The following SLCO4C1 variants were observed in gnomAD, a reference collection of about 807,000 sequenced individuals.
The protein encoded by SLCO4C1 is solute carrier organic anion transporter family member 4C1.
In SLCO4C1, 58 loss-of-function variants were observed where a neutral mutation model predicts 72.1. That is an observed-to-expected ratio of 0.80 (90% CI 0.65 to 1.00). The LOEUF (loss-of-function observed/expected upper bound fraction) is 1.00, where lower values mean the gene tolerates loss of function less well. SLCO4C1 is among the 50% of genes least tolerant of loss of function. The pLI is 0.00. For missense variants in SLCO4C1, 898 were observed against 857.9 expected, an observed-to-expected ratio of 1.05 and a Z score of -0.58; for synonymous variants, 297 against 312.5, an observed-to-expected ratio of 0.95 and a Z score of 0.52.
chr5:102,243,929 A>C (rs1748591818), intron 10 of SLCO4C1, among the ~76,000 whole-genome samples: 1 of 152,182 alleles, frequency 6.6e-6, no homozygotes, highest in African/African-American at 2.4e-5. Flanking sequence ...TCACACCTGC[A>C]ATTCCCAGCA....
chr5:102,253,530 G>A (rs1231461601), intron 8 of SLCO4C1, among the ~76,000 whole-genome samples: 2 of 152,108 alleles, frequency 1.3e-5, no homozygotes, highest in African/African-American at 4.8e-5. Flanking sequence ...CTATTAGCCA[G>A]GCACAGTGGC....
intron 8 of SLCO4C1, among the ~76,000 whole-genome samples, chr5:102,250,517 C>T (rs550554776): frequency 2.0e-5 from 3 of 152,250 alleles, no homozygotes; most frequent in Middle Eastern, 6.8e-3. Context: ...AGTCTCTGCC[C>T]TCAAGGATTT....
chr5:102,247,917 CTTTTTTTTTTTTT>C, intron 9 of SLCO4C1, among the ~76,000 whole-genome samples: 1 of 107,424 alleles, frequency 9.3e-6, no homozygotes, highest in African/African-American at 3.4e-5. Flanking sequence ...AGGCCAGAAA[CTTTTTTTTTTTTT>C]TTTTTTTTTT....
At position 102,257,150 on chromosome 5, in the gene SLCO4C1, A is replaced by G. The variant is rs764938518; in HGVS notation, c.1434T>C (p.Asn478=). ...SFVFMYAKCE[N]EPFAGVSESY... Reference sequence around the variant, plus strand: ...ATTCAGATACACCAGCAAATGGCTCATTTTCACATTTGGCATACATAAATA... The same window carrying G: ...ATTCAGATACACCAGCAAATGGCTCGTTTTCACATTTGGCATACATAAATA... The change falls in exon 8 of 13, where the codon AAT becomes AAC. Residue 478 remains asparagine (N), a synonymous_variant. Transcript: ENST00000310954. 1.7e-5 allele frequency: 27 copies of G among 1,596,984 alleles called. 1 individual carries two copies. Among genetic ancestry groups the G allele is most frequent in the Non-Finnish European group, 2.0e-5 (24 of 1,173,526 alleles).
Position 102,296,092 on chromosome 5 carries a change from C to T in SLCO4C1, c.171G>A (p.Lys57=). ...QELQKPQEPQ[K]SPEPSLPSAP... is the part of the protein sequence containing the mutation. ...CTGAAGGCAGAGATGGCTCTGGTGA[C>T]TTCTGGGGCTCCTGGGGCTTCTGAA... Residue 57 remains lysine, a synonymous_variant, in exon 1 of 13, where the codon AAG becomes AAA. Coordinates refer to ENST00000310954, the MANE Select transcript of SLCO4C1 (RefSeq NM_180991.5). 6.2e-7 allele frequency: 1 copy of T among 1,614,184 alleles called. No homozygotes were observed. Among genetic ancestry groups the T allele is most frequent in the Non-Finnish European group, 8.5e-7 (1 of 1,179,996 alleles).
Position 102,257,281 on chromosome 5 carries a change from C to T in SLCO4C1, c.1303G>A (p.Gly435Ser), listed in dbSNP as rs546037634. The change falls in exon 8 of 13, where the codon GGT becomes AGT. Residue 435 changes from glycine (G) to serine (S), a missense_variant. Physicochemically the swap from Gly to Ser is moderately conservative, Grantham distance 56. Transcript: ENST00000310954. ...ACAAGGAAGCCACCTAAAATTTGACCGAGAGCAGCTCCAGGAATTAAAACA... is the reference window on the plus strand; with the variant it reads ...ACAAGGAAGCCACCTAAAATTTGACTGAGAGCAGCTCCAGGAATTAAAACA... ...GAVLIPGAAL[G>S]QILGGFLVSK... 25 of 1,599,022 alleles carry T rather than the reference C, an allele frequency of 1.6e-5. No homozygotes were observed. Among genetic ancestry groups the T allele is most frequent in the African/African-American group, 2.7e-5 (2 of 73,906 alleles).
intron 8 of SLCO4C1, among the ~76,000 whole-genome samples, chr5:102,250,709 G>T (rs1748722255): frequency 6.6e-6 from 1 of 152,094 alleles, no homozygotes; most frequent in Non-Finnish European, 1.5e-5. Context: ...TGAGTAAGAG[G>T]CTGGTGCGGT....
At chr5:102,238,071 C>G (rs1748471273) in intron 12 of SLCO4C1, among the ~76,000 whole-genome samples, 1 of 152,072 alleles carries the variant, frequency 6.6e-6, no homozygotes, top group East Asian at 1.9e-4. Flanking sequence ...ATTTGAAAAA[C>G]AGGAATGCTC....
Position 102,263,888 on chromosome 5 carries a change from A to T in SLCO4C1, c.803-108T>A. ...TACAGAAAAATCTAAACAATTAAAC[A>T]TATCAAAATCACACATATTTTCACT... On this transcript the variant is annotated intron_variant, in intron 3 of 12. Transcript: ENST00000310954. 3.9e-6 allele frequency: 3 copies of T among 770,488 alleles called. No individual in the cohort carries two copies. In the South Asian group the frequency reaches 6.0e-5, roughly 15 times the overall value. 47.7% of individuals were successfully genotyped at this position (770,488 alleles called of 1,614,324 possible). A position where few individuals can be genotyped will look rare whatever the true frequency, so the allele number is the denominator to read the frequency against.
At chr5:102,261,252 A>G (rs1580251071) in intron 5 of SLCO4C1, among the ~76,000 whole-genome samples, 1 of 152,080 alleles carries the variant, frequency 6.6e-6, no homozygotes, top group South Asian at 2.1e-4. Context: ...ATCTCTAATA[A>G]AAATACAAAA....
intron 2 of SLCO4C1, among the ~76,000 whole-genome samples, chr5:102,280,874 A>C (rs1749341704): frequency 6.6e-6 from 1 of 152,162 alleles, no homozygotes; most frequent in Non-Finnish European, 1.5e-5. Flanking sequence ...ATTTGAGATG[A>C]GATTTGAGTG....
rs966694198 is a variant in SLCO4C1, at chr5:102,235,317, G to T, written c.*1541C>A. 3.3e-5 allele frequency: 5 copies of T among 152,132 alleles called. No individual in the cohort carries two copies. Among genetic ancestry groups the T allele is most frequent in the African/African-American group, 1.2e-4 (5 of 41,426 alleles). 9.4% of individuals were successfully genotyped at this position (152,132 alleles called of 1,614,324 possible). A position where few individuals can be genotyped will look rare whatever the true frequency, so the allele number is the denominator to read the frequency against. ...AAGCTTATAGGGGAAACCTGATGAT[G>T]AATTTTATTAAATTAATAACCCTTA... On this transcript the variant is annotated 3_prime_UTR_variant, in exon 13 of 13. Coordinates refer to ENST00000310954, the MANE Select transcript of SLCO4C1 (RefSeq NM_180991.5).
intron 10 of SLCO4C1, among the ~76,000 whole-genome samples, chr5:102,242,839 G>A (rs1454934433): frequency 6.6e-6 from 1 of 152,148 alleles, no homozygotes; most frequent in Non-Finnish European, 1.5e-5. Context: ...AAGTAAAGGG[G>A]ACTTTGTCTT....
In SLCO4C1 at chr5:102,284,492, A is replaced by C. The variant is rs573662261; in HGVS notation, c.619+6851T>G. 3.0e-4 allele frequency among the ~76,000 whole-genome samples: 45 copies of C among 152,344 alleles called. 1 individual carries two copies. Among genetic ancestry groups the C allele is most frequent in the Middle Eastern group, 3.4e-3 (1 of 294 alleles). On this transcript the variant is annotated intron_variant, in intron 2 of 12. Coordinates refer to ENST00000310954, the MANE Select transcript of SLCO4C1 (RefSeq NM_180991.5). ...TCATTTACCTAGAGGAAGACAAAGT[A>C]AGGGGCGAAAGCAGGATGAAGGGGA...
At chr5:102,249,252 C>T (rs192849962) in intron 9 of SLCO4C1, among the ~76,000 whole-genome samples, 7 of 151,994 alleles carry the variant, frequency 4.6e-5, no homozygotes, top group Non-Finnish European at 1.5e-5. Flanking sequence ...CCCATATATA[C>T]TGAGGTGCTG....
chr5:102,276,767 C>A (rs925691045), intron 2 of SLCO4C1, among the ~76,000 whole-genome samples: 1 of 152,156 alleles, frequency 6.6e-6, no homozygotes, highest in Admixed American at 6.6e-5. Flanking sequence ...TTAGTGAACT[C>A]TCCCTGTTGA....
chr5:102,271,458 G>A (rs906467215), intron 2 of SLCO4C1, among the ~76,000 whole-genome samples: 12 of 151,526 alleles, frequency 7.9e-5, no homozygotes, highest in Non-Finnish European at 1.5e-4. Context: ...GTTACAAAGA[G>A]TGAAACTGCT....
At position 102,296,093 on chromosome 5, in the gene SLCO4C1, T is replaced by G; in HGVS notation, c.170A>C (p.Lys57Thr). 6.2e-7 allele frequency: 1 copy of G among 1,614,186 alleles called. No individual in the cohort carries two copies. The highest frequency in any genetic ancestry group is 8.5e-7 in the Non-Finnish European group (1 of 1,180,002). ...TGAAGGCAGAGATGGCTCTGGTGACTTCTGGGGCTCCTGGGGCTTCTGAAG... is the reference window on the plus strand; with the variant it reads ...TGAAGGCAGAGATGGCTCTGGTGACGTCTGGGGCTCCTGGGGCTTCTGAAG... ...QELQKPQEPQ[K>T]SPEPSLPSAP... Residue 57 changes from lysine to threonine, a missense_variant, in exon 1 of 13, where the codon AAG (lysine) becomes ACG (threonine). Lys to Thr is a moderately conservative substitution (Grantham distance 78). Coordinates refer to ENST00000310954, the MANE Select transcript of SLCO4C1 (RefSeq NM_180991.5).
At chr5:102,265,265 G>A (rs1025571348) in intron 3 of SLCO4C1, among the ~76,000 whole-genome samples, 13 of 152,068 alleles carry the variant, frequency 8.5e-5, no homozygotes, top group African/African-American at 2.7e-4. Context: ...CTGTTTTATA[G>A]GTTGTCTCTA....
Sources: allele counts gnomAD v4.1 joint callset (sites outside exome capture counted in the v4.1 genomes callset), GRCh38; gene constraint gnomAD v4.1.1; transcripts MANE v1.5; gene names NCBI Gene and HGNC (gene_info 2026-07-23, HGNC 2026-07-21).